NFIA: variants seen among roughly 807,000 people sequenced by gnomAD.
NFIA encodes nuclear factor 1 A-type.
In NFIA, 8 loss-of-function variants were observed where a neutral mutation model predicts 62.8. The observed-to-expected ratio is 0.13, with a 90% confidence interval of 0.07 to 0.23. NFIA has a LOEUF of 0.23. Among genes scored for constraint, NFIA ranks in the 10% least tolerant of loss-of-function variants. NFIA has a pLI of 1.00. For missense variants in NFIA, 410 were observed against 642.1 expected (o/e 0.64, Z 3.91); for synonymous variants, 235 against 238.1 (o/e 0.99, Z 0.12).
At chr1:61,131,642 G>A (rs1335764208) in intron 2 of NFIA, among the ~76,000 whole-genome samples, 1 of 151,578 alleles carries the variant, frequency 6.6e-6, no homozygotes, top group African/African-American at 2.4e-5. Flanking sequence ...TGTTTATGTT[G>A]CAAAAAGAAA....
chr1:61,136,315 CTGAGT>C (rs1216469807), intron 2 of NFIA, among the ~76,000 whole-genome samples: 3 of 152,172 alleles, frequency 2.0e-5, no homozygotes, highest in African/African-American at 7.2e-5. Context: ...GAAACTAAGG[CTGAGT>C]TAAGATGGGG....
chr1:61,429,674 A>G (rs77908841), intron 10 of NFIA, among the ~76,000 whole-genome samples: 59 of 152,388 alleles, frequency 3.9e-4, no homozygotes, highest in African/African-American at 1.4e-3. Context: ...CCAAGTGTCC[A>G]TTGACAGATG....
chr1:61,176,995 ACTC>A (rs1650410825), intron 2 of NFIA, among the ~76,000 whole-genome samples: 1 of 151,926 alleles, frequency 6.6e-6, no homozygotes, highest in Non-Finnish European at 1.5e-5. Context: ...AGTCCCAGCT[ACTC>A]GGCAGGCTGA....
chr1:61,277,710 C>A (rs1453597128), intron 3 of NFIA, 125 bp downstream of exon 3: 3 of 863,118 alleles, frequency 3.5e-6, no homozygotes, highest in Non-Finnish European at 5.5e-6. Flanking sequence ...TCCAAAGACT[C>A]GGAAAAACTC....
In NFIA at chr1:61,402,033, C is replaced by CTTTTTTTTTTTTTT. The variant is rs10636290; in HGVS notation, c.1076-2062_1076-2049dup. 5.4e-4 allele frequency among the ~76,000 whole-genome samples: 51 copies of CTTTTTTTTTTTTTT among 94,570 alleles called. 1 individual carries two copies. Among genetic ancestry groups the CTTTTTTTTTTTTTT allele is most frequent in the African/African-American group, 7.7e-4 (19 of 24,586 alleles). The allele number at this position is 94,570 out of a possible 152,430, so 62.0% of individuals were successfully genotyped here. A position where few individuals can be genotyped will look rare whatever the true frequency, so the allele number is the denominator to read the frequency against. On this transcript the variant is annotated intron_variant, in intron 7 of 10. Coordinates refer to ENST00000403491, the MANE Select transcript of NFIA (RefSeq NM_001134673.4). ...GAAGTCCTAAGTTTTACTCATTTTT[C>CTTTTTTTTTTTTTT]TTTTTTTTTTTTTTTTTTTTTTGAG...
intron 2 of NFIA, among the ~76,000 whole-genome samples, chr1:61,181,294 A>G (rs1430625385): frequency 1.3e-5 from 2 of 152,198 alleles, no homozygotes; most frequent in Admixed American, 6.5e-5. Flanking sequence ...TGAAACAGCC[A>G]CCATTCAGGT....
intron 2 of NFIA, among the ~76,000 whole-genome samples, chr1:61,244,859 C>G (rs2100649471): frequency 6.6e-6 from 1 of 152,250 alleles, no homozygotes; most frequent in East Asian, 1.9e-4. Flanking sequence ...GGGAATTATG[C>G]TAAAATTTTA....
chr1:61,300,230 C>T (rs1271656673), intron 3 of NFIA, among the ~76,000 whole-genome samples: 1 of 152,258 alleles, frequency 6.6e-6, no homozygotes, highest in South Asian at 2.1e-4. Flanking sequence ...CTAACAATTA[C>T]ACTCTAGAGT....
At chr1:61,077,825 G>A (rs1368306888), upstream of NFIA, among the ~76,000 whole-genome samples, 1 of 150,552 alleles carries the variant, frequency 6.6e-6, no homozygotes, top group African/African-American at 2.4e-5. Context: ...TTTTTGCTAT[G>A]TGCATCAGAG....
intron 3 of NFIA, among the ~76,000 whole-genome samples, chr1:61,323,091 G>T (rs1660759786): frequency 6.6e-6 from 1 of 152,180 alleles, no homozygotes; most frequent in African/African-American, 2.4e-5. Flanking sequence ...CAGTGTGTAA[G>T]TCCCATGACA....
At chr1:61,112,705 C>T (rs538475351) in intron 2 of NFIA, among the ~76,000 whole-genome samples, 7 of 152,290 alleles carry the variant, frequency 4.6e-5, no homozygotes, top group Admixed American at 4.6e-4. Context: ...AATAAACTAT[C>T]TTCTTTAAAA....
At chr1:61,145,828 C>T (rs924525426) in intron 2 of NFIA, among the ~76,000 whole-genome samples, 1 of 152,192 alleles carries the variant, frequency 6.6e-6, no homozygotes, top group Non-Finnish European at 1.5e-5. Context: ...CACATTTTCT[C>T]TCTTCTCTGA....
intron 4 of NFIA, among the ~76,000 whole-genome samples, chr1:61,344,823 A>G (rs1332233495): frequency 6.6e-6 from 1 of 152,224 alleles, no homozygotes; most frequent in Non-Finnish European, 1.5e-5. Context: ...TCTCAGGCAG[A>G]GTAGCTCAAA....
chr1:61,296,168 A>G (rs913564219), intron 3 of NFIA, among the ~76,000 whole-genome samples: 21 of 152,192 alleles, frequency 1.4e-4, no homozygotes, highest in Admixed American at 5.9e-4. Flanking sequence ...AATTACCTCA[A>G]AGAGCCAAAA....
chr1:61,412,972 G>A (rs1320708440), intron 9 of NFIA, among the ~76,000 whole-genome samples: 1 of 151,976 alleles, frequency 6.6e-6, no homozygotes, highest in African/African-American at 2.4e-5. Flanking sequence ...ATGAAGATTG[G>A]CATCATAATC....
chr1:61,299,244 C>T (rs750018473), intron 3 of NFIA, among the ~76,000 whole-genome samples: 63 of 152,118 alleles, frequency 4.1e-4, no homozygotes, highest in Non-Finnish European at 7.9e-4. Flanking sequence ...GCCATTCCAG[C>T]AATTTTGCAT....
At chr1:61,221,208 A>G (rs1255816244) in intron 2 of NFIA, among the ~76,000 whole-genome samples, 2 of 151,912 alleles carry the variant, frequency 1.3e-5, no homozygotes, top group South Asian at 2.1e-4. Context: ...GAGTGTATGT[A>G]TAAAAATTAC....
At chr1:61,265,957 T>TA (rs1160316871) in intron 2 of NFIA, among the ~76,000 whole-genome samples, 1 of 152,232 alleles carries the variant, frequency 6.6e-6, no homozygotes, top group African/African-American at 2.4e-5. Flanking sequence ...TAATTGCACT[T>TA]ATGATCAGCA....
At chr1:61,352,773 A>G (rs1557726285) in intron 5 of NFIA, among the ~76,000 whole-genome samples, 1 of 150,500 alleles carries the variant, frequency 6.6e-6, no homozygotes, top group African/African-American at 2.5e-5. Context: ...ACACACACAC[A>G]CACACACACA....
Sources: allele counts gnomAD v4.1 joint callset (sites outside exome capture counted in the v4.1 genomes callset), GRCh38; gene constraint gnomAD v4.1.1; transcripts MANE v1.5; gene names NCBI Gene and HGNC (gene_info 2026-07-23, HGNC 2026-07-21).